Variants in KIF13B observed in about 807,000 individuals in gnomAD.
The protein encoded by KIF13B is kinesin family member 13B.
In KIF13B, 127 loss-of-function variants were observed where a neutral mutation model predicts 222.0. The observed-to-expected ratio is 0.57, with a 90% confidence interval of 0.50 to 0.66. KIF13B has a LOEUF of 0.66. KIF13B is among the 30% of genes least tolerant of loss of function. KIF13B has a pLI of 0.00. For synonymous variants in KIF13B, 976 were observed against 919.0 expected (o/e 1.06, Z -1.12); for missense variants, 2,173 against 2,379.0 (o/e 0.91, Z 1.80).
chr8:29,081,512 A>G (rs1807809133), intron 37 of KIF13B, among the ~76,000 whole-genome samples: 1 of 152,198 alleles, frequency 6.6e-6, no homozygotes, highest in Non-Finnish European at 1.5e-5. Flanking sequence ...AGTATTTCCG[A>G]CGGAACTTTA....
At chr8:29,218,440 T>C (rs903826301) in intron 2 of KIF13B, among the ~76,000 whole-genome samples, 1 of 152,222 alleles carries the variant, frequency 6.6e-6, no homozygotes, top group East Asian at 1.9e-4. Context: ...CCTTAAACTA[T>C]GCATTTCCTT....
chr8:29,240,198 G>A (rs555214417), intron 2 of KIF13B, among the ~76,000 whole-genome samples: 3 of 150,902 alleles, frequency 2.0e-5, no homozygotes, highest in Admixed American at 6.6e-5. Context: ...AAACTTTTTC[G>A]AGTCACCCTT....
chr8:29,155,028 T>C (rs1811456233), intron 14 of KIF13B, among the ~76,000 whole-genome samples: 1 of 152,154 alleles, frequency 6.6e-6, no homozygotes, highest in Non-Finnish European at 1.5e-5. Flanking sequence ...TAACAGGGGA[T>C]AACAGCTCTA....
At chr8:29,200,197 G>T (rs1813631335) in intron 2 of KIF13B, among the ~76,000 whole-genome samples, 2 of 151,960 alleles carry the variant, frequency 1.3e-5, no homozygotes. Context: ...CAAAGGCATG[G>T]GACACCCAAA....
In KIF13B at chr8:29,176,059, C is replaced by A; in HGVS notation, c.945+9G>T. ...AAGTATGCCAGGAAGGGAAAAAAAACAAACTTACTTTGAGCAGCCAAGTGA... is the reference window on the plus strand; with the variant it reads ...AAGTATGCCAGGAAGGGAAAAAAAAAAAACTTACTTTGAGCAGCCAAGTGA... On this transcript the variant is annotated intron_variant, in intron 10 of 39. Transcript: ENST00000524189. 1 of 1,573,730 alleles carries A rather than the reference C, an allele frequency of 6.4e-7. No homozygotes were observed. Among genetic ancestry groups the A allele is most frequent in the Non-Finnish European group, 8.7e-7 (1 of 1,145,364 alleles).
At chr8:29,092,235 T>C (rs976786329) in intron 37 of KIF13B, among the ~76,000 whole-genome samples, 1 of 152,248 alleles carries the variant, frequency 6.6e-6, no homozygotes, top group African/African-American at 2.4e-5. Context: ...TTTTCGCATT[T>C]GCTCTAACAC....
chr8:29,076,315 C>A (rs1020910111), intron 37 of KIF13B, among the ~76,000 whole-genome samples: 1 of 152,238 alleles, frequency 6.6e-6, no homozygotes, highest in African/African-American at 2.4e-5. Context: ...GCCAGGACAG[C>A]CGCGGGTAGG....
intron 2 of KIF13B, among the ~76,000 whole-genome samples, chr8:29,240,299 C>A (rs77563628): frequency 0.012 from 1,798 of 149,560 alleles, 49 homozygotes; most frequent in African/African-American, 0.042. Flanking sequence ...AGTCATTGTA[C>A]GCTTCATCAC....
Position 29,071,598 on chromosome 8 carries a change from GC to G in KIF13B, c.5218+21del. ...CCCAGACCCCCGGCACCACCCTGGAGCCCGGAGTGCCCGGTACCCACCTGAG... is the reference window on the plus strand; with the variant it reads ...CCCAGACCCCCGGCACCACCCTGGAGCCGGAGTGCCCGGTACCCACCTGAG... On this transcript the variant is annotated intron_variant, in intron 39 of 39. Coordinates refer to ENST00000524189, the MANE Select transcript of KIF13B (RefSeq NM_015254.4). This position sits in a 1 kb window ranked among gnomAD's most constrained non-coding sequence, Gnocchi z 4.9. 6.5e-7 allele frequency: 1 copy of G among 1,539,646 alleles called. No individual in the cohort carries two copies. Among genetic ancestry groups the G allele is most frequent in the Non-Finnish European group, 8.8e-7 (1 of 1,141,520 alleles).
chr8:29,250,988 A>G (rs1322262333), intron 1 of KIF13B, among the ~76,000 whole-genome samples: 1 of 151,990 alleles, frequency 6.6e-6, no homozygotes, highest in East Asian at 1.9e-4. Flanking sequence ...CCATCTCTAC[A>G]AAAAATACAA....
intron 11 of KIF13B, among the ~76,000 whole-genome samples, chr8:29,166,633 G>C (rs1364506936): frequency 6.6e-6 from 1 of 151,080 alleles, no homozygotes; most frequent in Non-Finnish European, 1.5e-5. Flanking sequence ...GAACCCAGGA[G>C]GCAGAGGTTG....
At chr8:29,262,791 G>T (rs1017540529) in intron 1 of KIF13B, among the ~76,000 whole-genome samples, 189 bp downstream of exon 1, 8 of 150,860 alleles carry the variant, frequency 5.3e-5, no homozygotes, top group Non-Finnish European at 8.9e-5. Flanking sequence ...GGCCAGGGGG[G>T]AAGGGAGGGG....
chr8:29,108,470 G>C (rs575493209), intron 34 of KIF13B, among the ~76,000 whole-genome samples: 10 of 152,158 alleles, frequency 6.6e-5, no homozygotes, highest in African/African-American at 2.4e-4. Context: ...TGTCGCGTTG[G>C]GTGAGCCCTT....
intron 1 of KIF13B, among the ~76,000 whole-genome samples, chr8:29,255,840 C>T (rs2117171720): frequency 6.6e-6 from 1 of 152,134 alleles, no homozygotes; most frequent in South Asian, 2.1e-4. Flanking sequence ...ATTGCTTTCA[C>T]CTTTCACTCT....
intron 6 of KIF13B, among the ~76,000 whole-genome samples, chr8:29,184,358 A>G (rs1221646142): frequency 6.6e-6 from 1 of 152,032 alleles, no homozygotes; most frequent in Non-Finnish European, 1.5e-5. Flanking sequence ...CACTGGGGAG[A>G]TAGCAGCAGC....
At chr8:29,128,726 C>A (rs931992659) in intron 24 of KIF13B, among the ~76,000 whole-genome samples, 5 of 152,088 alleles carry the variant, frequency 3.3e-5, no homozygotes, top group Admixed American at 2.0e-4. Context: ...GTTTACTGTT[C>A]CACAGAAAAA....
chr8:29,230,376 T>G (rs1815230574), intron 2 of KIF13B, among the ~76,000 whole-genome samples: 2 of 152,170 alleles, frequency 1.3e-5, no homozygotes, highest in South Asian at 4.1e-4. Context: ...TAACCCAATC[T>G]ATAAATTGGC....
At chr8:29,238,924 G>C (rs1309123229) in intron 2 of KIF13B, among the ~76,000 whole-genome samples, 2 of 152,166 alleles carry the variant, frequency 1.3e-5, no homozygotes, top group Non-Finnish European at 2.9e-5. Flanking sequence ...TGTAGTCCCA[G>C]CTACTCAGGA....
chr8:29,175,832 C>A (rs1263878416), intron 10 of KIF13B, among the ~76,000 whole-genome samples: 2 of 152,182 alleles, frequency 1.3e-5, no homozygotes, highest in Non-Finnish European at 2.9e-5. Context: ...TCGTGTGATT[C>A]CGTGTGCGTC....
Sources: allele counts gnomAD v4.1 joint callset (sites outside exome capture counted in the v4.1 genomes callset), GRCh38; gene constraint gnomAD v4.1.1; non-coding constraint Gnocchi (gnomAD v3.1); transcripts MANE v1.5; gene names NCBI Gene and HGNC (gene_info 2026-07-23, HGNC 2026-07-21).